The following SMARCA2 variants were observed in gnomAD, a reference collection of about 807,000 sequenced individuals.
SMARCA2 encodes SWI/SNF-related matrix-associated actin-dependent regulator of chromatin subfamily A member 2.
In SMARCA2, 61 loss-of-function variants were observed where a neutral mutation model predicts 199.8. The ratio of observed to expected loss-of-function variants is 0.31; its 90% CI spans 0.25 to 0.38. SMARCA2 has a LOEUF of 0.38. Ranked by LOEUF, SMARCA2 falls within the 10% of genes least tolerant of loss-of-function variation. The pLI is 1.00. For synonymous variants in SMARCA2, 935 were observed against 732.0 expected, an observed-to-expected ratio of 1.28 and a Z score of -4.48; for missense variants, 1,344 against 2,012.2, an observed-to-expected ratio of 0.67 and a Z score of 6.35.
At position 2,081,878 on chromosome 9, in the gene SMARCA2, A is replaced by G; in HGVS notation, c.2231A>G (p.Asn744Ser). 6.2e-7 allele frequency: 1 copy of G among 1,614,060 alleles called. No homozygotes were observed. Among genetic ancestry groups the G allele is most frequent in the Non-Finnish European group, 8.5e-7 (1 of 1,179,984 alleles). Residue 744 changes from asparagine (N) to serine (S), a missense_variant, in exon 15 of 34, where the codon AAC becomes AGC. Physicochemically the swap from Asn to Ser is conservative, Grantham distance 46. Coordinates refer to ENST00000349721, the MANE Select transcript of SMARCA2 (RefSeq NM_003070.5). Reference sequence around the variant, plus strand: ...GTTTCCCTGTATAATAACAACTTGAACGGAATCTTAGCCGATGAAATGGGG... The same window carrying G: ...GTTTCCCTGTATAATAACAACTTGAGCGGAATCTTAGCCGATGAAATGGGG... ...WMVSLYNNNL[N>S]GILADEMGLG... is the part of the protein sequence containing the mutation.
chr9:2,182,061 C>A, intron 30 of SMARCA2, 80 bp from the exon 31 acceptor site: 2 of 922,884 alleles, frequency 2.2e-6, no homozygotes, highest in East Asian at 2.4e-5. Flanking sequence ...AAGGGAAAAT[C>A]AGGCTTTGTT....
intron 22 of SMARCA2, among the ~76,000 whole-genome samples, chr9:2,102,756 C>T (rs992649723): frequency 3.3e-5 from 5 of 152,118 alleles, no homozygotes; most frequent in African/African-American, 7.2e-5. Flanking sequence ...TCTTACATGA[C>T]GTCCATAGTG....
In SMARCA2 at chr9:2,148,029, T is replaced by G. The variant is rs578173063; in HGVS notation, c.3982-13657T>G. ...TGAGAATCCTAATATTAACAAAGCA[T>G]GCTGAGTTTACACTTGCCTCCCAGT... On this transcript the variant is annotated intron_variant, in intron 27 of 33. Coordinates refer to ENST00000349721, the MANE Select transcript of SMARCA2 (RefSeq NM_003070.5). Among the ~76,000 whole-genome samples, 292 of 151,666 alleles carry G rather than the reference T, an allele frequency of 1.9e-3. 7 individuals are homozygous for G. Among genetic ancestry groups the G allele is most frequent in the African/African-American group, 6.6e-3 (276 of 41,512 alleles).
At chr9:2,033,166 A>C (rs1819151504) in intron 3 of SMARCA2, 85 bp downstream of exon 3, 1 of 1,488,536 alleles carries the variant, frequency 6.7e-7, no homozygotes, top group Non-Finnish European at 9.2e-7. Context: ...ATGAATTCCA[A>C]AGAATGTGTC....
intron 9 of SMARCA2, among the ~76,000 whole-genome samples, chr9:2,065,003 T>G (rs986958247): frequency 1.3e-5 from 2 of 152,106 alleles, no homozygotes; most frequent in African/African-American, 4.8e-5. Flanking sequence ...GCTAACATGT[T>G]GAAACCCCAT....
At chr9:2,019,866 T>C (rs1563709499) in intron 1 of SMARCA2, among the ~76,000 whole-genome samples, 1 of 152,010 alleles carries the variant, frequency 6.6e-6, no homozygotes, top group Non-Finnish European at 1.5e-5. Context: ...AAGGCCTTTG[T>C]CAAACTCTTC....
intron 1 of SMARCA2, among the ~76,000 whole-genome samples, chr9:2,019,150 A>G (rs939893955): frequency 2.0e-5 from 3 of 151,616 alleles, no homozygotes; most frequent in Non-Finnish European, 4.4e-5. Context: ...AAAAAAAAAA[A>G]CAACCCAGTA....
At chr9:2,065,291 C>A (rs1820787955) in intron 9 of SMARCA2, among the ~76,000 whole-genome samples, 1 of 152,164 alleles carries the variant, frequency 6.6e-6, no homozygotes, top group Non-Finnish European at 1.5e-5. Context: ...GGGATGTATA[C>A]CAGCAGAACT....
At chr9:2,065,031 A>G (rs1281858890) in intron 9 of SMARCA2, among the ~76,000 whole-genome samples, 1 of 152,136 alleles carries the variant, frequency 6.6e-6, no homozygotes, top group Non-Finnish European at 1.5e-5. Context: ...AAAAAATACA[A>G]AAAATTAGCC....
intron 28 of SMARCA2, among the ~76,000 whole-genome samples, chr9:2,164,340 TTGTC>T (rs33963819): frequency 0.39 from 59,762 of 151,494 alleles, 11,899 homozygotes; most frequent in Admixed American, 0.42. Context: ...GTACAGACTC[TTGTC>T]TGTCTTGATT....
At chr9:2,026,402 T>C (rs1291159495) in intron 1 of SMARCA2, among the ~76,000 whole-genome samples, 1 of 152,188 alleles carries the variant, frequency 6.6e-6, no homozygotes, top group Non-Finnish European at 1.5e-5. Flanking sequence ...GTTTTCCCTC[T>C]AAGACGTTTT....
At chr9:2,145,272 C>T (rs572110009) in intron 27 of SMARCA2, among the ~76,000 whole-genome samples, 143 of 143,666 alleles carry the variant, frequency 1.0e-3, no homozygotes, top group African/African-American at 3.4e-3. Context: ...CACTGCACTT[C>T]AGCCTGGGTG....
At position 2,163,910 on chromosome 9, in the gene SMARCA2, G is replaced by A. The variant is rs144720034; in HGVS notation, c.4199+2007G>A. On this transcript the variant is annotated intron_variant, in intron 28 of 33. Transcript: ENST00000349721. ...TTTTATGCTTTTTTTTGAGGGGTGG[G>A]GGTCAGCAAATACATAAACCTGGAG... 2.5e-3 allele frequency among the ~76,000 whole-genome samples: 383 copies of A among 152,034 alleles called. 2 individuals are homozygous for A. The highest frequency in any genetic ancestry group is 8.8e-3 in the African/African-American group (366 of 41,498).
At chr9:2,036,619 C>G (rs1021975793) in intron 3 of SMARCA2, among the ~76,000 whole-genome samples, 1 of 152,066 alleles carries the variant, frequency 6.6e-6, no homozygotes, top group African/African-American at 2.4e-5. Context: ...TATTCACATC[C>G]CCTACAAATT....
chr9:2,181,425 T>A, intron 29 of SMARCA2, 146 bp from the exon 30 acceptor site: 1 of 602,826 alleles, frequency 1.7e-6, no homozygotes, highest in South Asian at 1.8e-5. Flanking sequence ...CCAATAGAGT[T>A]GTGGGATTTT....
chr9:2,081,791 T>C (rs780444255), intron 14 of SMARCA2, 41 bp from the exon 15 acceptor site: 1 of 1,590,680 alleles, frequency 6.3e-7, no homozygotes, highest in Non-Finnish European at 8.6e-7. Flanking sequence ...TAATTACCTG[T>C]GCAGATCTTG....
intron 29 of SMARCA2, among the ~76,000 whole-genome samples, chr9:2,177,131 G>T (rs1469293185): frequency 6.6e-6 from 1 of 152,104 alleles, no homozygotes; most frequent in Admixed American, 6.6e-5. Context: ...ATTCTTCAAT[G>T]ATATATATTA....
intron 19 of SMARCA2, among the ~76,000 whole-genome samples, chr9:2,088,976 G>A (rs973470920): frequency 1.3e-5 from 2 of 150,344 alleles, no homozygotes; most frequent in South Asian, 2.1e-4. Context: ...TTTGGCGTTG[G>A]GGACTTGTAT....
At chr9:2,097,139 A>T (rs1163146794) in intron 20 of SMARCA2, 1 of 502,344 alleles carries the variant, frequency 2.0e-6, no homozygotes, top group African/African-American at 1.9e-5. Flanking sequence ...TCGCAAAGCC[A>T]TATCCCTCAC....
Sources: allele counts gnomAD v4.1 joint callset (sites outside exome capture counted in the v4.1 genomes callset), GRCh38; gene constraint gnomAD v4.1.1; transcripts MANE v1.5; gene names NCBI Gene and HGNC (gene_info 2026-07-23, HGNC 2026-07-21).